FMN2: variants seen among roughly 807,000 people sequenced by gnomAD.
The protein encoded by FMN2 is formin-2.
Under a neutral mutation model 142.3 loss-of-function variants are expected in FMN2, and 51 were observed. The observed-to-expected ratio is 0.36, with a 90% CI of 0.29 to 0.45. The LOEUF is 0.45. FMN2 is among the 20% of genes least tolerant of loss of function. The pLI is 1.00. For missense variants in FMN2, 1,936 were observed against 2,122.8 expected, an observed-to-expected ratio of 0.91 and a Z score of 1.73; for synonymous variants, 882 against 869.8, an observed-to-expected ratio of 1.01 and a Z score of -0.25.
At chr1:240,401,736 A>G (rs1673997321) in intron 15 of FMN2, among the ~76,000 whole-genome samples, 1 of 152,200 alleles carries the variant, frequency 6.6e-6, no homozygotes, top group African/African-American at 2.4e-5. Context: ...ACCAAAAGAG[A>G]AGTTTCCCAG....
At chr1:240,226,734 A>G (rs1409798375) in intron 6 of FMN2, among the ~76,000 whole-genome samples, 1 of 152,152 alleles carries the variant, frequency 6.6e-6, no homozygotes, top group African/African-American at 2.4e-5. Flanking sequence ...GTCTCTAAAA[A>G]AGAAAAAAGA....
intron 7 of FMN2, among the ~76,000 whole-genome samples, chr1:240,271,105 T>TTTTTTTTTTTTTTTTTTTTG (rs1558404270): frequency 7.0e-6 from 1 of 143,326 alleles, no homozygotes; most frequent in Non-Finnish European, 1.5e-5. Flanking sequence ...ATGGTTTTTT[T>TTTTTTTTTTTTTTTTTTTTG]TTTTTTTTTT....
At position 240,188,248 on chromosome 1, in the gene FMN2, G is replaced by C; in HGVS notation, c.1972G>C (p.Asp658His). 1 of 1,613,834 alleles carries C rather than the reference G, an allele frequency of 6.2e-7. No individual in the cohort carries two copies. Among genetic ancestry groups the C allele is most frequent in the Non-Finnish European group, 8.5e-7 (1 of 1,179,856 alleles). The change falls in exon 4 of 18, where the codon GAT becomes CAT. Residue 658 changes from aspartate (D) to histidine (H), a missense_variant. Transcript: ENST00000319653. ...TTCAGAAACTCCCCAAAAACGCTCA[G>C]ATGCTGTCCAGAAGGTAAGATGATC... The part of the protein sequence containing the change: ...AVSETPQKRS[D>H]AVQKEVVDMK...
chr1:240,146,135 G>A (rs576243485), intron 2 of FMN2, among the ~76,000 whole-genome samples: 7 of 151,636 alleles, frequency 4.6e-5, no homozygotes, highest in South Asian at 2.1e-4. Context: ...TGTAATCCCA[G>A]TACTTTGGGA....
chr1:240,461,222 C>T (rs1676439339), intron 16 of FMN2, among the ~76,000 whole-genome samples: 2 of 152,194 alleles, frequency 1.3e-5, no homozygotes, highest in Admixed American at 1.3e-4. Context: ...ACTTGAACTA[C>T]TACAAGTCTG....
At chr1:240,153,139 A>G (rs572437087) in intron 2 of FMN2, among the ~76,000 whole-genome samples, 1 of 152,160 alleles carries the variant, frequency 6.6e-6, no homozygotes, top group East Asian at 1.9e-4. Context: ...TGGCTGGCTC[A>G]TTTGTCCTCC....
chr1:240,468,204 A>ATGTGTGTGTGTG (rs1379393586), intron 16 of FMN2, among the ~76,000 whole-genome samples: 6 of 90,504 alleles, frequency 6.6e-5, no homozygotes, highest in African/African-American at 2.2e-4. Context: ...AAATATATAT[A>ATGTGTGTGTGTG]TATGTGTGTG....
intron 2 of FMN2, among the ~76,000 whole-genome samples, chr1:240,148,966 C>T (rs12408342): frequency 0.47 from 68,874 of 147,522 alleles, 17,120 homozygotes; most frequent in South Asian, 0.66. Flanking sequence ...AGCGAGACTC[C>T]GTCTCAAAAA....
chr1:240,388,395 G>A (rs919029240), intron 14 of FMN2, among the ~76,000 whole-genome samples: 5 of 152,190 alleles, frequency 3.3e-5, no homozygotes, highest in African/African-American at 1.2e-4. Context: ...ACCCAGGTTT[G>A]CCTGACTAAA....
At position 240,436,844 on chromosome 1, in the gene FMN2, G is replaced by A. The variant is rs116353745; in HGVS notation, c.4911-1217G>A. 1.5e-3 allele frequency among the ~76,000 whole-genome samples: 231 copies of A among 152,272 alleles called. 1 individual carries two copies. Among genetic ancestry groups the A allele is most frequent in the African/African-American group, 5.4e-3 (225 of 41,550 alleles). ...TACTTTTGTCACTGAGCAAAATCAA[G>A]TTGCCTTTGATATTTCTACTTCAGA... On this transcript the variant is annotated intron_variant, in intron 15 of 17. Coordinates refer to ENST00000319653, the MANE Select transcript of FMN2 (RefSeq NM_020066.5).
chr1:240,403,470 C>T (rs1296372474), intron 15 of FMN2, among the ~76,000 whole-genome samples: 3 of 152,218 alleles, frequency 2.0e-5, no homozygotes, highest in Admixed American at 6.5e-5. Context: ...CTCATCTCTA[C>T]TAAAAATACA....
chr1:240,427,171 T>TTATATATATATATATATATA (rs34534422), intron 15 of FMN2, among the ~76,000 whole-genome samples: 6 of 136,890 alleles, frequency 4.4e-5, no homozygotes, highest in African/African-American at 1.9e-4. Flanking sequence ...ACAACTGATT[T>TTATATATATATATATATATA]TATATATATA....
intron 1 of FMN2, among the ~76,000 whole-genome samples, chr1:240,103,817 C>T (rs1158601944): frequency 1.3e-5 from 2 of 152,140 alleles, no homozygotes; most frequent in African/African-American, 2.4e-5. Flanking sequence ...TCCCCTATCA[C>T]CCTGAGGCTA....
intron 6 of FMN2, among the ~76,000 whole-genome samples, chr1:240,241,825 C>CTTCTTTTTTTTTTTTTTTTTTTTTTTTTT (rs1667908718): frequency 4.2e-5 from 4 of 96,238 alleles, no homozygotes; most frequent in Non-Finnish European, 8.6e-5. Context: ...GTGTGCCTTG[C>CTTCTTTTTTTTTTTTTTTTTTTTTTTTTT]TTTTTTTTTT....
At chr1:240,099,979 C>G (rs1373702062) in intron 1 of FMN2, among the ~76,000 whole-genome samples, 1 of 152,146 alleles carries the variant, frequency 6.6e-6, no homozygotes, top group African/African-American at 2.4e-5. Flanking sequence ...ATGTGTAAAG[C>G]ACCGACTGTA....
At chr1:240,426,574 A>G (rs188378779) in intron 15 of FMN2, among the ~76,000 whole-genome samples, 30 of 152,262 alleles carry the variant, frequency 2.0e-4, no homozygotes, top group African/African-American at 6.5e-4. Context: ...CCTCCATTTT[A>G]TCCATCACTC....
intron 4 of FMN2, among the ~76,000 whole-genome samples, chr1:240,191,623 CT>C (rs1665704557): frequency 6.6e-6 from 1 of 152,076 alleles, no homozygotes. Flanking sequence ...ACTGTAAAGC[CT>C]TTTATACTCT....
At chr1:240,218,886 G>T (rs148776675) in intron 6 of FMN2, among the ~76,000 whole-genome samples, 1 of 152,246 alleles carries the variant, frequency 6.6e-6, no homozygotes, top group Non-Finnish European at 1.5e-5. Context: ...TTATCCTTCA[G>T]GTTCCATGCT....
At chr1:240,221,849 CTTTT>C (rs34473197) in intron 6 of FMN2, among the ~76,000 whole-genome samples, 1 of 115,252 alleles carries the variant, frequency 8.7e-6, no homozygotes, top group Non-Finnish European at 1.7e-5. Context: ...CTTCTAGGGA[CTTTT>C]TTTTTTTTTT....
Sources: allele counts gnomAD v4.1 joint callset (sites outside exome capture counted in the v4.1 genomes callset), GRCh38; gene constraint gnomAD v4.1.1; transcripts MANE v1.5; gene names NCBI Gene and HGNC (gene_info 2026-07-23, HGNC 2026-07-21).